ZDHHC17: variants seen among roughly 807,000 people sequenced by gnomAD.
ZDHHC17 encodes palmitoyltransferase ZDHHC17.
A neutral mutation model predicts 90.3 loss-of-function variants in ZDHHC17; 40 were observed. The observed-to-expected ratio is 0.44, with a 90% CI of 0.34 to 0.58. ZDHHC17 has a LOEUF of 0.58. ZDHHC17 is among the 20% of genes least tolerant of loss of function. The pLI is 0.01. For synonymous variants in ZDHHC17, 235 were observed against 252.4 expected, an observed-to-expected ratio of 0.93 and a Z score of 0.65; for missense variants, 614 against 780.8, an observed-to-expected ratio of 0.79 and a Z score of 2.55.
chr12:76,824,998 A>G (rs1953213335), intron 8 of ZDHHC17, among the ~76,000 whole-genome samples: 1 of 151,254 alleles, frequency 6.6e-6, no homozygotes, highest in African/African-American at 2.5e-5. Context: ...ATTTACGGTT[A>G]AATAAATCTT....
intron 7 of ZDHHC17, among the ~76,000 whole-genome samples, chr12:76,818,175 A>G (rs1161449490): frequency 6.6e-6 from 1 of 151,704 alleles, no homozygotes; most frequent in African/African-American, 2.4e-5. Flanking sequence ...GGGAACATTT[A>G]TACTTTCAGG....
intron 10 of ZDHHC17, among the ~76,000 whole-genome samples, chr12:76,833,812 A>G (rs1242156186): frequency 6.6e-6 from 1 of 152,124 alleles, no homozygotes; most frequent in South Asian, 2.1e-4. Context: ...ATAAATAAAA[A>G]TAAATACCCT....
intron 1 of ZDHHC17, among the ~76,000 whole-genome samples, chr12:76,782,421 A>G (rs1294598518): frequency 4.6e-5 from 7 of 152,218 alleles, no homozygotes; most frequent in African/African-American, 1.7e-4. Context: ...AATGTAACAG[A>G]TATATAAAAT....
chr12:76,816,945 T>G (rs886478319), intron 7 of ZDHHC17, among the ~76,000 whole-genome samples: 2 of 152,044 alleles, frequency 1.3e-5, no homozygotes, highest in African/African-American at 4.8e-5. Context: ...CAAGTCTTCT[T>G]GTCCCTAACA....
chr12:76,816,245 A>T (rs1953085678), intron 7 of ZDHHC17, among the ~76,000 whole-genome samples: 1 of 151,956 alleles, frequency 6.6e-6, no homozygotes, highest in African/African-American at 2.4e-5. Context: ...AAATGCCTTT[A>T]TGGTGTTGAT....
rs2137806381 is a variant in ZDHHC17, at chr12:76,845,783, A to G, written c.1404A>G (p.Pro468=). The change falls in exon 13 of 17, where the codon CCA becomes CCG. Residue 468 remains proline, a synonymous_variant. Transcript: ENST00000426126. ...RCIAKFDHHC[P]WVGNCVGAGN... ...TAGCAAAATTTGATCATCATTGCCCATGGGTGGGTAACTGTGTAGGTAAGT... is the reference window on the plus strand; with the variant it reads ...TAGCAAAATTTGATCATCATTGCCCGTGGGTGGGTAACTGTGTAGGTAAGT... 1 of 1,606,680 alleles carries G rather than the reference A, an allele frequency of 6.2e-7. No individual in the cohort carries two copies.
rs183432967 is a variant in ZDHHC17, at chr12:76,852,692, C to G, written c.*1707C>G. 9 of 152,508 alleles carry G rather than the reference C, an allele frequency of 5.9e-5. No homozygotes were observed. Among genetic ancestry groups the G allele is most frequent in the African/African-American group, 2.2e-4 (9 of 41,496 alleles). The allele number at this position is 152,508 out of a possible 1,614,324, so 9.4% of individuals were successfully genotyped here. A position where few individuals can be genotyped will look rare whatever the true frequency, so the allele number is the denominator to read the frequency against. On this transcript the variant is annotated 3_prime_UTR_variant, in exon 17 of 17. Transcript: ENST00000426126. ...TCCAAGTACCATTTTTATATAGTAG[C>G]TTATTTGACCATAAGTCACACATCA...
intron 1 of ZDHHC17, among the ~76,000 whole-genome samples, chr12:76,783,869 A>G (rs1378643683): frequency 6.6e-6 from 1 of 152,250 alleles, no homozygotes; most frequent in Non-Finnish European, 1.5e-5. Flanking sequence ...GGAGAAGGCA[A>G]TGTAAAAACA....
chr12:76,850,976 G>C lies in ZDHHC17; in HGVS notation c.1890G>C (p.Gln630His). The C allele has an allele frequency of 6.2e-7, 1 of 1,613,856 alleles. No homozygotes were observed. The highest frequency in any genetic ancestry group is 8.5e-7 in the Non-Finnish European group (1 of 1,179,824). The change falls in exon 17 of 17, where the codon CAG becomes CAC. Residue 630 changes from glutamine (Q) to histidine (H), a missense_variant. This residue lies in a region of ZDHHC17 where 28 missense variants were observed against 20.0 expected (regional missense o/e 1.40). Transcript: ENST00000426126. ...ACCAAATATCAGGATCTGGGTACCA[G>C]CTGGTGTAGCGACATCTTATCCTAT... ...EYDQISGSGY[Q>H]LV
At chr12:76,835,519 TTAAA>T (rs1400074964) in intron 10 of ZDHHC17, among the ~76,000 whole-genome samples, 1 of 152,002 alleles carries the variant, frequency 6.6e-6, no homozygotes, top group East Asian at 1.9e-4. Flanking sequence ...TTTAATTTTT[TTAAA>T]TTATGAATTT....
intron 1 of ZDHHC17, among the ~76,000 whole-genome samples, chr12:76,778,931 C>T (rs892150478): frequency 6.6e-6 from 1 of 152,134 alleles, no homozygotes; most frequent in African/African-American, 2.4e-5. Context: ...TGGCTGCATT[C>T]TCATATTCTC....
At chr12:76,764,939 A>G (rs1165548031) in intron 1 of ZDHHC17, 5 of 440,568 alleles carry the variant, frequency 1.1e-5, no homozygotes, top group Admixed American at 9.8e-5. Context: ...TAGCTTGTCA[A>G]AGTACCGTTT....
chr12:76,821,605 T>C, intron 7 of ZDHHC17, among the ~76,000 whole-genome samples: 1 of 152,170 alleles, frequency 6.6e-6, no homozygotes, highest in Non-Finnish European at 1.5e-5. Context: ...TTTGCTTTTC[T>C]ATTTGAAGAA....
chr12:76,843,034 A>G, intron 12 of ZDHHC17, 53 bp downstream of exon 12: 1 of 1,449,426 alleles, frequency 6.9e-7, no homozygotes, highest in Non-Finnish European at 9.6e-7. Flanking sequence ...TGACAGTGGC[A>G]TAGCATAGCG....
intron 5 of ZDHHC17, 125 bp from the exon 6 acceptor site, chr12:76,815,021 A>G (rs1361947206): frequency 7.5e-6 from 4 of 530,316 alleles, no homozygotes; most frequent in South Asian, 3.5e-5. Flanking sequence ...AGTTTCATAC[A>G]TTATCCTTGA....
chr12:76,806,493 G>A (rs1024294241), intron 3 of ZDHHC17, among the ~76,000 whole-genome samples: 9 of 152,032 alleles, frequency 5.9e-5, no homozygotes, highest in Non-Finnish European at 1.2e-4. Context: ...TGAAATATAG[G>A]CCTGCGCCTA....
rs1953572224 is a variant in ZDHHC17 at position 76,851,967 on chromosome 12, C to G, written c.*982C>G. ...CATTTAACTAAAGATGGAGCATGAT[C>G]TAAGTACATAGCACATGTGAATAAA... On this transcript the variant is annotated 3_prime_UTR_variant, in exon 17 of 17. Coordinates refer to ENST00000426126, the MANE Select transcript of ZDHHC17 (RefSeq NM_015336.4). 6.6e-6 allele frequency: 1 copy of G among 152,540 alleles called. No homozygotes were observed. The highest frequency in any genetic ancestry group is 2.1e-4 in the South Asian group (1 of 4,832). The allele number at this position is 152,540 out of a possible 1,614,324, so 9.4% of individuals were successfully genotyped here. A position where few individuals can be genotyped will look rare whatever the true frequency, so the allele number is the denominator to read the frequency against.
chr12:76,820,557 G>C (rs1440452243), intron 7 of ZDHHC17, among the ~76,000 whole-genome samples: 1 of 152,140 alleles, frequency 6.6e-6, no homozygotes, highest in African/African-American at 2.4e-5. Flanking sequence ...TTTTTAGCTT[G>C]TACAGAATAT....
chr12:76,780,046 A>G (rs540672616), intron 1 of ZDHHC17, among the ~76,000 whole-genome samples: 5 of 152,278 alleles, frequency 3.3e-5, no homozygotes, highest in African/African-American at 9.6e-5. Context: ...CTTGATTACT[A>G]TAGCTATATA....
Sources: allele counts gnomAD v4.1 joint callset (sites outside exome capture counted in the v4.1 genomes callset), GRCh38; gene constraint gnomAD v4.1.1; regional missense constraint gnomAD v4.1.1; transcripts MANE v1.5; gene names NCBI Gene and HGNC (gene_info 2026-07-23, HGNC 2026-07-21).